FCHO2: variants seen among roughly 807,000 people sequenced by gnomAD.
FCHO2 encodes the protein F-BAR domain only protein 2.
FCHO2 carries 43 observed loss-of-function variants against 114.1 expected under a neutral mutation model. The ratio of observed to expected loss-of-function variants is 0.38; its 90% CI spans 0.30 to 0.49. FCHO2 has a LOEUF of 0.49. Ranked by LOEUF, FCHO2 falls within the 20% of genes least tolerant of loss-of-function variation. The pLI is 0.97. For missense variants in FCHO2, 807 were observed against 950.4 expected (o/e 0.85, Z 1.98); for synonymous variants, 293 against 315.2 (o/e 0.93, Z 0.75).
At chr5:73,070,785 C>T (rs1742605833) in intron 19 of FCHO2, among the ~76,000 whole-genome samples, 1 of 151,926 alleles carries the variant, frequency 6.6e-6, no homozygotes. Flanking sequence ...AAAAAGTTCT[C>T]TTTCTTTGCC....
At chr5:72,959,161 G>A (rs1022392376) in intron 1 of FCHO2, among the ~76,000 whole-genome samples, 2 of 152,200 alleles carry the variant, frequency 1.3e-5, no homozygotes, top group Admixed American at 1.3e-4. Flanking sequence ...GAGGCTCAGT[G>A]AGCTAGGAAG....
At chr5:73,039,703 G>A (rs990995205) in intron 10 of FCHO2, among the ~76,000 whole-genome samples, 2 of 151,332 alleles carry the variant, frequency 1.3e-5, no homozygotes, top group Non-Finnish European at 1.5e-5. Context: ...CGAGGAGGGT[G>A]GATTACTTGA....
chr5:73,061,670 TG>T (rs1432746823), intron 17 of FCHO2, among the ~76,000 whole-genome samples: 4 of 152,108 alleles, frequency 2.6e-5, no homozygotes, highest in Non-Finnish European at 5.9e-5. Flanking sequence ...AAGTTCCTTT[TG>T]CTTCATGGCT....
At chr5:73,051,582 T>C (rs1217159946) in intron 12 of FCHO2, among the ~76,000 whole-genome samples, 176 bp downstream of exon 12, 1 of 152,178 alleles carries the variant, frequency 6.6e-6, no homozygotes, top group Non-Finnish European at 1.5e-5. Flanking sequence ...TTGGGTTTTT[T>C]TTGAGACAGA....
chr5:73,018,695 A>T (rs919728174), intron 8 of FCHO2, among the ~76,000 whole-genome samples: 2 of 152,264 alleles, frequency 1.3e-5, no homozygotes, highest in East Asian at 3.9e-4. Flanking sequence ...CTCTCTATAG[A>T]TCAGTGTCAG....
At chr5:73,017,155 C>T in intron 7 of FCHO2, 57 bp from the exon 8 acceptor site, 1 of 994,924 alleles carries the variant, frequency 1.0e-6, no homozygotes, top group African/African-American at 1.7e-5. Context: ...TAAGTTTTAT[C>T]TGAAATACAC....
intron 21 of FCHO2, among the ~76,000 whole-genome samples, chr5:73,077,720 C>A (rs1211158253): frequency 2.0e-5 from 3 of 151,964 alleles, no homozygotes. Flanking sequence ...CATGATGGTG[C>A]GTTCCTGTAG....
At chr5:73,006,920 A>G (rs560386625) in intron 6 of FCHO2, among the ~76,000 whole-genome samples, 47 of 152,138 alleles carry the variant, frequency 3.1e-4, no homozygotes, top group Admixed American at 7.9e-4. Flanking sequence ...AAGAACTTAC[A>G]TATTAGTGAG....
chr5:73,017,395 G>A, intron 8 of FCHO2, 87 bp downstream of exon 8: 12 of 750,574 alleles, frequency 1.6e-5, no homozygotes, highest in South Asian at 1.6e-4. Context: ...GTGGGTAAGG[G>A]GTAATTTTAA....
At chr5:73,083,480 A>C (rs1003607576) in intron 24 of FCHO2, among the ~76,000 whole-genome samples, 2 of 152,232 alleles carry the variant, frequency 1.3e-5, no homozygotes, top group African/African-American at 4.8e-5. Flanking sequence ...ATAGAACTCT[A>C]TGTTCCATGT....
intron 5 of FCHO2, among the ~76,000 whole-genome samples, chr5:72,995,614 C>T (rs1180456824): frequency 6.6e-6 from 1 of 151,898 alleles, no homozygotes; most frequent in African/African-American, 2.4e-5. Flanking sequence ...GAAGGACGTC[C>T]GAGGTTGAGG....
chr5:73,068,504 G>T, intron 18 of FCHO2, 146 bp from the exon 19 acceptor site: 1 of 671,724 alleles, frequency 1.5e-6, no homozygotes, highest in Non-Finnish European at 2.4e-6. Flanking sequence ...AAAATGATAT[G>T]ATATATGGCA....
intron 11 of FCHO2, among the ~76,000 whole-genome samples, chr5:73,048,232 C>A (rs1055227739): frequency 3.9e-5 from 6 of 151,930 alleles, no homozygotes; most frequent in African/African-American, 1.5e-4. Context: ...AGCAGATCAA[C>A]TGAGGCCAGG....
intron 17 of FCHO2, 67 bp downstream of exon 17, chr5:73,058,591 A>G (rs1757710280): frequency 4.3e-6 from 3 of 694,688 alleles, no homozygotes; most frequent in African/African-American, 1.9e-5. Context: ...TTTCTCATTC[A>G]CTTTTTGTGC....
intron 17 of FCHO2, among the ~76,000 whole-genome samples, chr5:73,060,364 A>G (rs1408396085): frequency 1.3e-5 from 2 of 152,092 alleles, no homozygotes; most frequent in Non-Finnish European, 2.9e-5. Context: ...ATCTTGTTAT[A>G]TAGTAGTTAC....
intron 22 of FCHO2, among the ~76,000 whole-genome samples, chr5:73,081,450 C>T (rs1285419555): frequency 1.3e-5 from 2 of 152,146 alleles, no homozygotes; most frequent in African/African-American, 4.8e-5. Context: ...GGAAGATTCG[C>T]AAACTTTACA....
At position 73,058,462 on chromosome 5, in the gene FCHO2, AC is replaced by A; in HGVS notation, c.1288del (p.Leu430TyrfsTer14). On this transcript the variant is annotated frameshift_variant, in exon 17 of 26. Coordinates refer to ENST00000430046, the MANE Select transcript of FCHO2 (RefSeq NM_138782.3). LOFTEE classifies it high-confidence loss of function. ...EKGTSDLLAW[D>X]PLFGPSLDSS... ...GGAACCAGTGATTTACTTGCTTGGG[AC>A]CCCCTATTTGGACCATCTCTTGATT... The A allele has an allele frequency of 6.4e-7, 1 of 1,571,670 alleles. No individual in the cohort carries two copies.
At chr5:73,037,548 A>G (rs1045959712) in intron 10 of FCHO2, among the ~76,000 whole-genome samples, 1 of 152,168 alleles carries the variant, frequency 6.6e-6, no homozygotes, top group Non-Finnish European at 1.5e-5. Flanking sequence ...AAAATTCATC[A>G]AAGTCTTAAT....
At chr5:73,038,434 C>T (rs79281245) in intron 10 of FCHO2, among the ~76,000 whole-genome samples, 2 of 152,156 alleles carry the variant, frequency 1.3e-5, no homozygotes, top group East Asian at 1.9e-4. Flanking sequence ...GAAGAGACAC[C>T]GATCAAAAGT....
Sources: gnomAD v4.1 joint callset for allele counts (sites outside exome capture counted in the v4.1 genomes callset) on GRCh38, gnomAD v4.1.1 for gene constraint, MANE v1.5 for transcripts, NCBI Gene and HGNC (gene_info 2026-07-23, HGNC 2026-07-21) for gene names.